NLGN1: variants seen among roughly 807,000 people sequenced by gnomAD.
NLGN1 encodes neuroligin-1.
In NLGN1, 12 loss-of-function variants were observed where a neutral mutation model predicts 65.5. That is an observed-to-expected ratio of 0.18 (90% confidence interval 0.12 to 0.30). NLGN1 has a LOEUF of 0.30. Among genes scored for constraint, NLGN1 ranks in the 10% least tolerant of loss-of-function variants. The pLI is 1.00. For missense variants in NLGN1, 750 were observed against 1,007.1 expected, an observed-to-expected ratio of 0.74 and a Z score of 3.46; for synonymous variants, 350 against 359.5, an observed-to-expected ratio of 0.97 and a Z score of 0.30.
At chr3:173,762,999 C>CAG (rs1258743512) in intron 3 of NLGN1, among the ~76,000 whole-genome samples, 2 of 151,364 alleles carry the variant, frequency 1.3e-5, no homozygotes, top group East Asian at 1.9e-4. Context: ...CACACACACA[C>CAG]AGAATCTTTG....
At chr3:173,457,379 A>G (rs991198595) in intron 2 of NLGN1, among the ~76,000 whole-genome samples, 1 of 152,080 alleles carries the variant, frequency 6.6e-6, no homozygotes, top group Non-Finnish European at 1.5e-5. Flanking sequence ...GGTGATATTC[A>G]AAGAGGCTAG....
chr3:173,458,378 A>G (rs554117853), intron 2 of NLGN1, among the ~76,000 whole-genome samples: 5 of 152,104 alleles, frequency 3.3e-5, no homozygotes, highest in Non-Finnish European at 5.9e-5. Flanking sequence ...GGTGCTGGAC[A>G]TACCACCTTC....
chr3:174,173,704 G>T (rs1219788478), intron 4 of NLGN1, among the ~76,000 whole-genome samples: 4 of 150,808 alleles, frequency 2.7e-5, no homozygotes. Context: ...GTGTGTGTGT[G>T]TATGTTTGTG....
intron 2 of NLGN1, among the ~76,000 whole-genome samples, chr3:173,493,350 G>T (rs1729491171): frequency 6.6e-6 from 1 of 151,732 alleles, no homozygotes; most frequent in Non-Finnish European, 1.5e-5. Context: ...TTGGTCCAAA[G>T]AGTAGAAAAT....
At chr3:173,950,631 G>A (rs1381954629) in intron 4 of NLGN1, among the ~76,000 whole-genome samples, 3 of 151,940 alleles carry the variant, frequency 2.0e-5, no homozygotes, top group South Asian at 4.2e-4. Flanking sequence ...TGGCCAATGT[G>A]GCGAAACCCT....
chr3:173,672,231 G>T (rs929482905), intron 3 of NLGN1, among the ~76,000 whole-genome samples: 1 of 152,140 alleles, frequency 6.6e-6, no homozygotes, highest in Non-Finnish European at 1.5e-5. Context: ...ACCTGTAGTC[G>T]TGAAGCTATA....
chr3:173,845,803 T>C (rs1360567636), intron 4 of NLGN1, among the ~76,000 whole-genome samples: 5 of 152,200 alleles, frequency 3.3e-5, no homozygotes, highest in Admixed American at 2.6e-4. Flanking sequence ...TCCCTTTATC[T>C]TGACTCTTAG....
chr3:174,210,168 C>T (rs1736189822), intron 4 of NLGN1, among the ~76,000 whole-genome samples: 1 of 152,206 alleles, frequency 6.6e-6, no homozygotes, highest in South Asian at 2.1e-4. Flanking sequence ...TATCCTCCAA[C>T]TCCATCCTCA....
intron 2 of NLGN1, among the ~76,000 whole-genome samples, chr3:173,537,047 G>A (rs1737550930): frequency 6.6e-6 from 1 of 152,200 alleles, no homozygotes; most frequent in South Asian, 2.1e-4. Flanking sequence ...CGGGCCTACA[G>A]TGGATTGGAT....
intron 4 of NLGN1, among the ~76,000 whole-genome samples, chr3:173,982,068 G>A (rs914964403): frequency 1.3e-5 from 2 of 152,052 alleles, no homozygotes; most frequent in Non-Finnish European, 2.9e-5. Context: ...CTTAATTTAT[G>A]AGCAAGGAAA....
intron 4 of NLGN1, among the ~76,000 whole-genome samples, chr3:173,951,414 CT>C (rs1560709866): frequency 6.6e-6 from 1 of 151,048 alleles, no homozygotes; most frequent in African/African-American, 2.4e-5. Flanking sequence ...CTTATATCTT[CT>C]TTTTCCTATT....
intron 2 of NLGN1, among the ~76,000 whole-genome samples, chr3:173,547,918 G>C (rs751788382): frequency 1.3e-5 from 2 of 152,012 alleles, no homozygotes; most frequent in Non-Finnish European, 2.9e-5. Context: ...TGGCTTATAA[G>C]AACAAAACCT....
chr3:174,012,929 G>A (rs1195595601), intron 4 of NLGN1, among the ~76,000 whole-genome samples: 4 of 152,168 alleles, frequency 2.6e-5, no homozygotes, highest in South Asian at 2.1e-4. Context: ...AAAGCAGAAC[G>A]TAGAGCTTAC....
chr3:174,062,662 T>C (rs1401689614), intron 4 of NLGN1, among the ~76,000 whole-genome samples: 3 of 152,054 alleles, frequency 2.0e-5, no homozygotes, highest in Admixed American at 2.0e-4. Context: ...GCCTTGTTAT[T>C]CAGAAGATGA....
intron 4 of NLGN1, among the ~76,000 whole-genome samples, chr3:174,206,554 C>T (rs1032576000): frequency 1.3e-5 from 2 of 152,212 alleles, no homozygotes; most frequent in South Asian, 2.1e-4. Context: ...GTCCTACACT[C>T]AGCCCCCACT....
At chr3:173,906,215 G>T (rs966850837) in intron 4 of NLGN1, among the ~76,000 whole-genome samples, 1 of 152,112 alleles carries the variant, frequency 6.6e-6, no homozygotes. Flanking sequence ...TTTATCTGGG[G>T]CCTAAGCCTG....
intron 4 of NLGN1, among the ~76,000 whole-genome samples, chr3:174,001,299 A>C (rs1029170252): frequency 3.3e-5 from 5 of 152,124 alleles, no homozygotes; most frequent in Non-Finnish European, 5.9e-5. Flanking sequence ...AGATTAAATG[A>C]CAACTCAGTA....
intron 1 of NLGN1, among the ~76,000 whole-genome samples, chr3:173,432,200 T>C (rs759770404): frequency 7.2e-5 from 11 of 152,140 alleles, no homozygotes; most frequent in Non-Finnish European, 1.3e-4. Flanking sequence ...TGTATGCAGG[T>C]TTCTATATGG....
intron 2 of NLGN1, among the ~76,000 whole-genome samples, chr3:173,498,203 A>C (rs1292075051): frequency 4.1e-5 from 6 of 144,788 alleles, no homozygotes; most frequent in Non-Finnish European, 6.0e-5. Flanking sequence ...ATCCCTCCCC[A>C]CTCCCCCCAC....
Sources: gnomAD v4.1 joint callset for allele counts (sites outside exome capture counted in the v4.1 genomes callset) on GRCh38, gnomAD v4.1.1 for gene constraint, MANE v1.5 for transcripts, NCBI Gene and HGNC (gene_info 2026-07-23, HGNC 2026-07-21) for gene names.